ADSS2: variants seen among roughly 807,000 people sequenced by gnomAD.
ADSS2 encodes the protein adenylosuccinate synthetase isozyme 2.
ADSS2 carries 30 observed loss-of-function variants against 60.0 expected under a neutral mutation model. That is an observed-to-expected ratio of 0.50 (90% CI 0.37 to 0.68). The LOEUF is 0.68. Ranked by LOEUF, ADSS2 falls within the 30% of genes least tolerant of loss-of-function variation. ADSS2 has a pLI of 0.00. For synonymous variants in ADSS2, 187 were observed against 193.1 expected, an observed-to-expected ratio of 0.97 and a Z score of 0.26; for missense variants, 373 against 554.8, an observed-to-expected ratio of 0.67 and a Z score of 3.29.
chr1:244,442,990 CT>C (rs1368013556), intron 1 of ADSS2, among the ~76,000 whole-genome samples: 3 of 152,228 alleles, frequency 2.0e-5, no homozygotes, highest in Admixed American at 2.0e-4. Context: ...AGTCTCCCAC[CT>C]ATGTATTAGA....
rs372188871 is a variant in ADSS2 at position 244,432,536 on chromosome 1, C to T, written c.406+9G>A. The T allele has an allele frequency of 6.5e-7, 1 of 1,548,338 alleles. No individual in the cohort carries two copies. Among genetic ancestry groups the T allele is most frequent in the Non-Finnish European group, 8.8e-7 (1 of 1,140,658 alleles). On this transcript the variant is annotated intron_variant, in intron 4 of 12. Coordinates refer to ENST00000366535, the MANE Select transcript of ADSS2 (RefSeq NM_001126.5). The stretch of plus-strand genomic sequence containing the variant: ...ATAGTTACAAATAAATGCAATATAT[C>T]CACCTTACCAATATGAGCTCTGTCA...
chr1:244,442,822 T>C lies in ADSS2; in HGVS notation c.184-5054A>G, dbSNP rs73129739. 5.5e-3 allele frequency among the ~76,000 whole-genome samples: 834 copies of C among 152,320 alleles called. 15 individuals carry two copies. The highest frequency in any genetic ancestry group is 0.018 in the African/African-American group (753 of 41,554). On this transcript the variant is annotated intron_variant, in intron 1 of 12. Transcript: ENST00000366535. The stretch of plus-strand genomic sequence containing the variant: ...ATGTTAACCTAAAATATTCAGATTA[T>C]GTAAATAGGCAAAATTCACCTTGGG...
At chr1:244,417,871 C>T (rs1366484230) in intron 9 of ADSS2, 119 bp from the exon 10 acceptor site, 2 of 937,436 alleles carry the variant, frequency 2.1e-6, no homozygotes, top group Non-Finnish European at 3.1e-6. Flanking sequence ...CAGGTAATAA[C>T]TAAATTGAAG....
chr1:244,415,950 T>C, intron 11 of ADSS2, 31 bp downstream of exon 11: 2 of 1,460,896 alleles, frequency 1.4e-6, no homozygotes, highest in East Asian at 2.3e-5. Context: ...CACCTTATAA[T>C]ATCCTTTAGA....
chr1:244,446,780 T>A (rs1487322598), intron 1 of ADSS2, among the ~76,000 whole-genome samples: 1 of 152,194 alleles, frequency 6.6e-6, no homozygotes, highest in Non-Finnish European at 1.5e-5. Flanking sequence ...AAACCAACGA[T>A]GTCACACAGC....
intron 1 of ADSS2, among the ~76,000 whole-genome samples, chr1:244,440,034 G>A (rs977306368): frequency 6.6e-6 from 1 of 152,200 alleles, no homozygotes; most frequent in Non-Finnish European, 1.5e-5. Context: ...TGGGGAAGGG[G>A]TGGTATCAGC....
At chr1:244,413,212 C>T (rs1664453411) in intron 11 of ADSS2, among the ~76,000 whole-genome samples, 1 of 152,078 alleles carries the variant, frequency 6.6e-6, no homozygotes, top group Non-Finnish European at 1.5e-5. Flanking sequence ...TGATGCATGA[C>T]ACAGAGATGA....
In ADSS2 at chr1:244,418,820, T is replaced by A. The variant is rs1162840424; in HGVS notation, c.885A>T (p.Gly295=). ...CTCTAGTTGTATAAGCTTTCACAACTCCATACACTTCTCCAACATTTTGAG... is the reference window on the plus strand; with the variant it reads ...CTCTAGTTGTATAAGCTTTCACAACACCATACACTTCTCCAACATTTTGAG... ...MPPQNVGEVY[G]VVKAYTTRVG... Residue 295 remains glycine, a synonymous_variant, in exon 9 of 13, where the codon GGA becomes GGT. Coordinates refer to ENST00000366535, the MANE Select transcript of ADSS2 (RefSeq NM_001126.5). 1.9e-6 allele frequency: 3 copies of A among 1,613,932 alleles called. No homozygotes were observed. In the African/African-American group the frequency reaches 4.0e-5, roughly 22 times the overall value.
chr1:244,414,611 C>G (rs2147988101), intron 11 of ADSS2, among the ~76,000 whole-genome samples: 1 of 152,338 alleles, frequency 6.6e-6, no homozygotes, highest in South Asian at 2.1e-4. Context: ...ATTTACTCCA[C>G]TAACCTTCCT....
intron 4 of ADSS2, among the ~76,000 whole-genome samples, chr1:244,427,766 T>C (rs1456562211): frequency 6.6e-6 from 1 of 152,142 alleles, no homozygotes; most frequent in Non-Finnish European, 1.5e-5. Flanking sequence ...TACTTTTAAA[T>C]CACATAATAC....
chr1:244,437,073 CAATG>C (rs1354817455), intron 2 of ADSS2, among the ~76,000 whole-genome samples, 180 bp from the exon 3 acceptor site: 3 of 152,026 alleles, frequency 2.0e-5, no homozygotes, highest in African/African-American at 4.8e-5. Flanking sequence ...GAATTATACT[CAATG>C]AAGCTGAAAA....
chr1:244,414,992 C>T (rs1410456640), intron 11 of ADSS2, among the ~76,000 whole-genome samples: 2 of 152,244 alleles, frequency 1.3e-5, no homozygotes, highest in Non-Finnish European at 1.5e-5. Flanking sequence ...CTCTACTACA[C>T]TTCTTGGATA....
intron 1 of ADSS2, among the ~76,000 whole-genome samples, chr1:244,446,986 A>G (rs1665407658): frequency 6.6e-6 from 1 of 152,202 alleles, no homozygotes. Context: ...CTCTTTTCAA[A>G]AAAGAATTTT....
chr1:244,415,925 C>T, intron 11 of ADSS2, 56 bp downstream of exon 11: 1 of 1,259,932 alleles, frequency 7.9e-7, no homozygotes, highest in East Asian at 2.4e-5. Flanking sequence ...CTTTATGAAA[C>T]TGCTCTAATA....
rs140711290 is a variant in ADSS2 at position 244,414,807 on chromosome 1, G to C, written c.1168+1174C>G. ...GGCCAAAGGGAGCTACCTCACTTGA[G>C]GAACAGCTCTTATTTCGTGGCTAGT... On this transcript the variant is annotated intron_variant, in intron 11 of 12. Transcript: ENST00000366535. Among the ~76,000 whole-genome samples, 142 of 152,326 alleles carry C rather than the reference G, an allele frequency of 9.3e-4. 1 individual carries two copies. In the Middle Eastern group the frequency reaches 0.017, roughly 18 times the overall value.
chr1:244,433,014 A>C (rs1017872830), intron 3 of ADSS2, among the ~76,000 whole-genome samples: 3 of 152,104 alleles, frequency 2.0e-5, no homozygotes, highest in Non-Finnish European at 4.4e-5. Context: ...AGGCAGGTGG[A>C]TCACTTGAGG....
At position 244,423,843 on chromosome 1, in the gene ADSS2, C is replaced by G. The variant is rs1664730791; in HGVS notation, c.581+110G>C. 4 of 740,780 alleles carry G rather than the reference C, an allele frequency of 5.4e-6. No homozygotes were observed. In the East Asian group the frequency reaches 1.2e-4, roughly 22 times the overall value. 45.9% of individuals were successfully genotyped at this position (740,780 alleles called of 1,614,324 possible). ...TTTAATATTTCAAACCTAAAAAAGC[C>G]AACCACCACTATTTAACTAGAATAC... On this transcript the variant is annotated intron_variant, in intron 6 of 12. Coordinates refer to ENST00000366535, the MANE Select transcript of ADSS2 (RefSeq NM_001126.5).
chr1:244,435,610 T>C (rs1028011206), intron 3 of ADSS2, among the ~76,000 whole-genome samples: 9 of 152,098 alleles, frequency 5.9e-5, no homozygotes, highest in Non-Finnish European at 8.8e-5. Flanking sequence ...CCTTCTCTTC[T>C]TCCTCCTTCA....
At position 244,423,032 on chromosome 1, in the gene ADSS2, T is replaced by C. The variant is rs576486623; in HGVS notation, c.582-116A>G. On this transcript the variant is annotated intron_variant, in intron 6 of 12. Transcript: ENST00000366535. ...AATGATCTTAACAGCAAATTAATCC[T>C]GAAACTGAAGTCACCTTCTGAGAAA... 13 of 620,960 alleles carry C rather than the reference T, an allele frequency of 2.1e-5. No individual in the cohort carries two copies. The South Asian group carries it at 3.0e-4, about 14-fold the overall frequency. 38.5% of individuals were successfully genotyped at this position (620,960 alleles called of 1,614,324 possible). A position where few individuals can be genotyped will look rare whatever the true frequency, so the allele number is the denominator to read the frequency against.
Sources: gnomAD v4.1 joint callset for allele counts (sites outside exome capture counted in the v4.1 genomes callset) on GRCh38, gnomAD v4.1.1 for gene constraint, MANE v1.5 for transcripts, NCBI Gene and HGNC (gene_info 2026-07-23, HGNC 2026-07-21) for gene names.